SLC35F1: variants seen among roughly 807,000 people sequenced by gnomAD.
SLC35F1 encodes the protein solute carrier family 35 member F1.
Under a neutral mutation model 48.7 loss-of-function variants are expected in SLC35F1, and 14 were observed. The ratio of observed to expected loss-of-function variants is 0.29; its 90% CI spans 0.19 to 0.45. The LOEUF (loss-of-function observed/expected upper bound fraction) is 0.45, where lower values mean the gene tolerates loss of function less well. Among genes scored for constraint, SLC35F1 ranks in the 20% least tolerant of loss-of-function variants. The pLI, the probability that SLC35F1 is intolerant of heterozygous loss-of-function variation, is 1.00. For missense variants in SLC35F1, 404 were observed against 500.0 expected (o/e 0.81, Z 1.83); for synonymous variants, 190 against 202.2 (o/e 0.94, Z 0.51).
At chr6:118,280,199 A>G (rs1775964999) in intron 6 of SLC35F1, among the ~76,000 whole-genome samples, 1 of 152,220 alleles carries the variant, frequency 6.6e-6, no homozygotes, top group Non-Finnish European at 1.5e-5. Flanking sequence ...AGTAAAATGT[A>G]TGATCGAATA....
At chr6:118,125,022 G>A (rs1773603978) in intron 1 of SLC35F1, among the ~76,000 whole-genome samples, 2 of 152,276 alleles carry the variant, frequency 1.3e-5, no homozygotes, top group Middle Eastern at 3.4e-3. Context: ...CTGCAGCTCA[G>A]CTTCTAATAT....
intron 1 of SLC35F1, among the ~76,000 whole-genome samples, chr6:118,109,631 G>C (rs955709187): frequency 6.6e-6 from 1 of 151,002 alleles, no homozygotes; most frequent in Admixed American, 6.7e-5. Context: ...TAAGACCTTG[G>C]AGAATAAACA....
intron 7 of SLC35F1, among the ~76,000 whole-genome samples, chr6:118,300,958 A>C (rs761067206): frequency 1.3e-5 from 2 of 152,200 alleles, no homozygotes; most frequent in Non-Finnish European, 2.9e-5. Context: ...TTCCAGGTGC[A>C]GGAATGTAGC....
chr6:118,089,062 A>G (rs1374510387), intron 1 of SLC35F1, among the ~76,000 whole-genome samples: 1 of 152,212 alleles, frequency 6.6e-6, no homozygotes, highest in Non-Finnish European at 1.5e-5. Flanking sequence ...CCAGAAAGAA[A>G]TCATGGTGCC....
intron 1 of SLC35F1, among the ~76,000 whole-genome samples, chr6:118,141,420 T>G (rs553390190): frequency 6.6e-6 from 1 of 152,280 alleles, no homozygotes; most frequent in South Asian, 2.1e-4. Flanking sequence ...ATTATTAAAA[T>G]CACTTGAGGA....
intron 1 of SLC35F1, among the ~76,000 whole-genome samples, chr6:118,092,448 C>G (rs745371264): frequency 3.3e-5 from 5 of 152,248 alleles, no homozygotes; most frequent in Non-Finnish European, 7.3e-5. Context: ...TGGAGAACCT[C>G]TGCTAGGGCT....
At chr6:117,986,668 G>A (rs970065081) in intron 1 of SLC35F1, among the ~76,000 whole-genome samples, 11 of 152,252 alleles carry the variant, frequency 7.2e-5, no homozygotes, top group South Asian at 2.1e-4. Context: ...CTGATTTTCC[G>A]TCTCCACTAG....
intron 1 of SLC35F1, among the ~76,000 whole-genome samples, chr6:118,137,189 A>C (rs1355822285): frequency 6.6e-6 from 1 of 152,130 alleles, no homozygotes; most frequent in African/African-American, 2.4e-5. Context: ...ATCCTCTTGA[A>C]CTATACTTGT....
intron 5 of SLC35F1, 36 bp from the exon 6 acceptor site, chr6:118,277,458 T>G: frequency 6.3e-7 from 1 of 1,591,000 alleles, no homozygotes; most frequent in African/African-American, 1.3e-5. Context: ...TGCATTCTAA[T>G]CTTGCTCATC....
At chr6:118,303,991 A>G (rs919099210) in intron 7 of SLC35F1, among the ~76,000 whole-genome samples, 1 of 152,026 alleles carries the variant, frequency 6.6e-6, no homozygotes, top group African/African-American at 2.4e-5. Context: ...ATCTGCAAAC[A>G]CTCTTTTTCC....
intron 3 of SLC35F1, among the ~76,000 whole-genome samples, chr6:118,245,668 G>A (rs1775498308): frequency 6.6e-6 from 1 of 152,100 alleles, no homozygotes; most frequent in Admixed American, 6.6e-5. Context: ...CCACCTCCCA[G>A]CCGGCACCCC....
intron 7 of SLC35F1, among the ~76,000 whole-genome samples, chr6:118,310,518 T>C (rs1411792217): frequency 6.6e-6 from 1 of 152,188 alleles, no homozygotes; most frequent in African/African-American, 2.4e-5. Flanking sequence ...TTTTTACTTT[T>C]TTTTTAAAAA....
At chr6:118,112,069 T>TCTTTATTTCTTTC (rs1491034013) in intron 1 of SLC35F1, among the ~76,000 whole-genome samples, 4 of 141,768 alleles carry the variant, frequency 2.8e-5, no homozygotes, top group African/African-American at 1.2e-4. Flanking sequence ...TCTTTCTTTC[T>TCTTTATTTCTTTC]TTTTCTTTAT....
chr6:117,923,395 C>T (rs1299371373), intron 1 of SLC35F1, among the ~76,000 whole-genome samples: 1 of 151,342 alleles, frequency 6.6e-6, no homozygotes, highest in Non-Finnish European at 1.5e-5. Context: ...TTAGATACCC[C>T]AGTATATTGC....
intron 1 of SLC35F1, among the ~76,000 whole-genome samples, chr6:118,110,096 G>C (rs1312608258): frequency 6.6e-6 from 1 of 152,114 alleles, no homozygotes; most frequent in Admixed American, 6.6e-5. Context: ...AGAGCAGCCT[G>C]TTTCCCATCT....
At position 117,945,282 on chromosome 6, in the gene SLC35F1, G is replaced by A. The variant is rs567875585; in HGVS notation, c.173+37383G>A. Among the ~76,000 whole-genome samples the A allele has an allele frequency of 3.3e-5, 5 of 152,288 alleles. No individual in the cohort carries two copies. The South Asian group carries it at 1.0e-3, about 32-fold the overall frequency. On this transcript the variant is annotated intron_variant, in intron 1 of 7. Coordinates refer to ENST00000360388, the MANE Select transcript of SLC35F1 (RefSeq NM_001029858.4). ...TCTTCTTAAGTCACTTAGAGATGAAGTTGGCACTATTTGGAAAGATCTGTT... is the reference window on the plus strand; with the variant it reads ...TCTTCTTAAGTCACTTAGAGATGAAATTGGCACTATTTGGAAAGATCTGTT...
At chr6:118,152,055 A>G (rs565928211) in intron 1 of SLC35F1, among the ~76,000 whole-genome samples, 14 of 152,308 alleles carry the variant, frequency 9.2e-5, no homozygotes, top group Admixed American at 2.6e-4. Context: ...GTATAAAGGC[A>G]TTAGTTTCAA....
intron 1 of SLC35F1, among the ~76,000 whole-genome samples, chr6:118,088,325 C>G (rs973314574): frequency 6.6e-6 from 1 of 152,080 alleles, no homozygotes; most frequent in African/African-American, 2.4e-5. Context: ...TATTTCCATC[C>G]CTGGCACTGT....
chr6:117,927,023 T>A (rs1388346135), intron 1 of SLC35F1, among the ~76,000 whole-genome samples: 1 of 152,190 alleles, frequency 6.6e-6, no homozygotes, highest in East Asian at 1.9e-4. Flanking sequence ...TTGATTTCAT[T>A]TGGTGTACCA....
Sources: gnomAD v4.1 joint callset for allele counts (sites outside exome capture counted in the v4.1 genomes callset) on GRCh38, gnomAD v4.1.1 for gene constraint, MANE v1.5 for transcripts, NCBI Gene and HGNC (gene_info 2026-07-23, HGNC 2026-07-21) for gene names.